The following AGPS variants were observed in gnomAD, a reference collection of about 807,000 sequenced individuals.
The protein encoded by AGPS is alkylglycerone phosphate synthase, also known as alkyldihydroxyacetonephosphate synthase, peroxisomal.
AGPS carries 26 observed loss-of-function variants against 90.7 expected under a neutral mutation model. The ratio of observed to expected loss-of-function variants is 0.29; its 90% confidence interval spans 0.21 to 0.40. The LOEUF is 0.40. Ranked by LOEUF, AGPS falls within the 10% of genes least tolerant of loss-of-function variation. The pLI, the probability that AGPS is intolerant of heterozygous loss-of-function variation, is 1.00. For missense variants in AGPS, 540 were observed against 816.1 expected (o/e 0.66, Z 4.12); for synonymous variants, 294 against 285.3 (o/e 1.03, Z -0.31).
Position 177,392,826 on chromosome 2 carries a change from T to C in AGPS, c.37T>C (p.Leu13=), listed in dbSNP as rs1400544926. The C allele has an allele frequency of 6.4e-7, 1 of 1,551,870 alleles. No homozygotes were observed. Among genetic ancestry groups the C allele is most frequent in the East Asian group, 2.4e-5 (1 of 41,366 alleles). Reference sequence around the variant, plus strand: ...GGCGGCTGCAGCGGGTGGGACTGGCTTGGGCGCGGGCGCGAGCTACGGGTC... The same window carrying C: ...GGCGGCTGCAGCGGGTGGGACTGGCCTGGGCGCGGGCGCGAGCTACGGGTC... ...EAAAAAGGTG[L]GAGASYGSAA... Residue 13 remains leucine (L), a synonymous_variant, in exon 1 of 20, where the codon TTG becomes CTG. Transcript: ENST00000264167.
chr2:177,393,128 G>A, intron 1 of AGPS, 79 bp downstream of exon 1: 1 of 1,549,774 alleles, frequency 6.5e-7, no homozygotes, highest in Non-Finnish European at 8.7e-7. Flanking sequence ...AGGCGAGGTG[G>A]GAAGGGAAGT....
At chr2:177,442,659 C>T (rs1048614486) in intron 7 of AGPS, among the ~76,000 whole-genome samples, 173 bp downstream of exon 7, 1 of 151,886 alleles carries the variant, frequency 6.6e-6, no homozygotes, top group African/African-American at 2.4e-5. Context: ...CCAGCCAGGC[C>T]AACATAGCAA....
At chr2:177,487,874 A>T (rs1398284757) in intron 11 of AGPS, among the ~76,000 whole-genome samples, 3 of 152,204 alleles carry the variant, frequency 2.0e-5, no homozygotes, top group Non-Finnish European at 4.4e-5. Context: ...ATAAAGTTAT[A>T]ATTAGGAGAC....
intron 1 of AGPS, among the ~76,000 whole-genome samples, chr2:177,405,322 G>A (rs1325298153): frequency 6.6e-6 from 1 of 152,216 alleles, no homozygotes; most frequent in Admixed American, 6.5e-5. Context: ...ATAGGTAGCT[G>A]CCCAGGCAGC....
chr2:177,406,246 C>T (rs1209545847), intron 1 of AGPS, among the ~76,000 whole-genome samples: 1 of 152,214 alleles, frequency 6.6e-6, no homozygotes, highest in Non-Finnish European at 1.5e-5. Flanking sequence ...AATGATTCTT[C>T]ATTCTATTAC....
intron 17 of AGPS, among the ~76,000 whole-genome samples, chr2:177,515,564 T>A (rs1490093972): frequency 6.6e-6 from 1 of 151,958 alleles, no homozygotes; most frequent in African/African-American, 2.4e-5. Context: ...CCACTACCTA[T>A]GGAAAATGAT....
chr2:177,403,589 A>C (rs961628937), intron 1 of AGPS, among the ~76,000 whole-genome samples: 4 of 152,260 alleles, frequency 2.6e-5, no homozygotes, highest in Admixed American at 2.6e-4. Context: ...TTGGCATTCT[A>C]AAATGTTATG....
intron 7 of AGPS, among the ~76,000 whole-genome samples, chr2:177,442,828 CA>C (rs71007994): frequency 0.66 from 65,596 of 99,770 alleles, 18,937 homozygotes; most frequent in Admixed American, 0.69. Flanking sequence ...GCCTGGGTGA[CA>C]AAAAAAAAAA....
chr2:177,446,419 G>A (rs1322357517), intron 8 of AGPS, among the ~76,000 whole-genome samples: 1 of 152,148 alleles, frequency 6.6e-6, no homozygotes, highest in African/African-American at 2.4e-5. Flanking sequence ...GGGATTACAG[G>A]CGTGAGCCAC....
chr2:177,513,482 A>G (rs1688939157), intron 16 of AGPS, among the ~76,000 whole-genome samples: 2 of 152,212 alleles, frequency 1.3e-5, no homozygotes, highest in South Asian at 2.1e-4. Context: ...TAACATCTTT[A>G]TAGCTTTTTT....
intron 12 of AGPS, 81 bp from the exon 13 acceptor site, chr2:177,497,608 A>G (rs1226984587): frequency 1.6e-5 from 11 of 678,604 alleles, no homozygotes; most frequent in Non-Finnish European, 2.1e-5. Flanking sequence ...ACTTTCTTTT[A>G]GGATTCTAAG....
intron 1 of AGPS, among the ~76,000 whole-genome samples, chr2:177,412,374 T>G (rs2105599800): frequency 6.6e-6 from 1 of 152,302 alleles, no homozygotes; most frequent in East Asian, 1.9e-4. Context: ...GACAGCTTTC[T>G]GCCTCTAGTT....
chr2:177,441,798 C>T (rs1228456996), intron 6 of AGPS, among the ~76,000 whole-genome samples: 1 of 152,034 alleles, frequency 6.6e-6, no homozygotes, highest in African/African-American at 2.4e-5. Context: ...GGCATTTTTC[C>T]TTTGACAGTA....
intron 8 of AGPS, among the ~76,000 whole-genome samples, chr2:177,453,644 CTTT>C (rs1159445462): frequency 2.0e-5 from 3 of 146,772 alleles, no homozygotes; most frequent in East Asian, 4.2e-4. Context: ...TAGTGTTCTT[CTTT>C]ATAACTATAA....
intron 19 of AGPS, among the ~76,000 whole-genome samples, chr2:177,528,842 AT>A (rs1206454313): frequency 2.2e-5 from 3 of 133,906 alleles, no homozygotes; most frequent in African/African-American, 8.2e-5. Flanking sequence ...AATCTTGCAT[AT>A]TAATCCTTTT....
Position 177,490,316 on chromosome 2 carries a change from G to A in AGPS, c.1234-2832G>A, listed in dbSNP as rs556147363. Among the ~76,000 whole-genome samples the A allele has an allele frequency of 2.6e-4, 39 of 152,168 alleles. 2 individuals are homozygous for A. The South Asian group carries it at 7.3e-3, about 28-fold the overall frequency. Reference sequence around the variant, plus strand: ...CAGGAGATCATAAACCAACCTAGATGCTATTTTTGAGTGCTTTACTTATAT... The same window carrying A: ...CAGGAGATCATAAACCAACCTAGATACTATTTTTGAGTGCTTTACTTATAT... On this transcript the variant is annotated intron_variant, in intron 11 of 19. Transcript: ENST00000264167.
chr2:177,495,723 C>A (rs1170389017), intron 12 of AGPS, among the ~76,000 whole-genome samples: 1 of 144,820 alleles, frequency 6.9e-6, no homozygotes, highest in African/African-American at 2.5e-5. Context: ...GCCTGGCCAA[C>A]ATGGTGAAAC....
intron 14 of AGPS, among the ~76,000 whole-genome samples, chr2:177,501,469 A>G (rs1208179460): frequency 1.3e-5 from 2 of 152,080 alleles, no homozygotes; most frequent in Non-Finnish European, 2.9e-5. Flanking sequence ...CTTGTGCATC[A>G]CTGTTGATGT....
chr2:177,535,312 G>A (rs558848539), intron 19 of AGPS, among the ~76,000 whole-genome samples: 1 of 152,252 alleles, frequency 6.6e-6, no homozygotes, highest in South Asian at 2.1e-4. Context: ...TTAATATGGT[G>A]TGCTACATAA....
Sources: gnomAD v4.1 joint callset for allele counts (sites outside exome capture counted in the v4.1 genomes callset) on GRCh38, gnomAD v4.1.1 for gene constraint, MANE v1.5 for transcripts, NCBI Gene and HGNC (gene_info 2026-07-23, HGNC 2026-07-21) for gene names.